Variants in CHD2 observed in about 807,000 individuals in gnomAD.
CHD2 encodes the protein ATP-dependent chromatin remodeler CHD2.
Under a neutral mutation model 243.9 loss-of-function variants are expected in CHD2, and 28 were observed. That is an observed-to-expected ratio of 0.11 (90% CI 0.09 to 0.16). The LOEUF is 0.16. Ranked by LOEUF, CHD2 falls within the 10% of genes least tolerant of loss-of-function variation. The pLI is 1.00. For synonymous variants in CHD2, 775 were observed against 779.0 expected (o/e 0.99, Z 0.09); for missense variants, 1,386 against 2,209.8 (o/e 0.63, Z 7.47).
intron 34 of CHD2, 21 bp from the exon 35 acceptor site, chr15:93,009,124 T>C (rs926417268): frequency 5.6e-6 from 9 of 1,612,216 alleles, no homozygotes; most frequent in Non-Finnish European, 7.6e-6. Context: ...TTTATGTCTT[T>C]ACTCTGTTGT....
rs1357745155 is a variant in CHD2 at position 92,952,350 on chromosome 15, G to C, written c.1503-1007G>C. On this transcript the variant is annotated intron_variant, in intron 13 of 38. Coordinates refer to ENST00000394196, the MANE Select transcript of CHD2 (RefSeq NM_001271.4). Reference sequence around the variant, plus strand: ...GGAGGAGGGAGGGGGATGGTTTCTGGATGATTCAAGCACATTACATTTATT... The same window carrying C: ...GGAGGAGGGAGGGGGATGGTTTCTGCATGATTCAAGCACATTACATTTATT... Among the ~76,000 whole-genome samples the C allele has an allele frequency of 2.6e-5, 4 of 152,122 alleles. No homozygotes were observed. In the East Asian group the frequency reaches 5.8e-4, roughly 22 times the overall value.
chr15:92,949,118 G>A, intron 13 of CHD2, 42 bp downstream of exon 13: 15 of 1,591,668 alleles, frequency 9.4e-6, no homozygotes, highest in Non-Finnish European at 1.1e-5. Flanking sequence ...TACTGTTTCT[G>A]GCTTCTTTAT....
chr15:92,998,011 T>C lies in CHD2; in HGVS notation c.3886-488T>C. ...TTTAGGAGGGTGACAGCACCCTGCC[T>C]TAAGCACTGAGACCAGATTCAGTCT... On this transcript the variant is annotated intron_variant, in intron 30 of 38. Transcript: ENST00000394196. This position sits in a 1 kb window ranked among gnomAD's most constrained non-coding sequence, Gnocchi z 5.1. 1 of 198,792 alleles carries C rather than the reference T, an allele frequency of 5.0e-6. No homozygotes were observed. The highest frequency in any genetic ancestry group is 1.7e-4 in the South Asian group (1 of 5,972). 12.3% of individuals were successfully genotyped at this position (198,792 alleles called of 1,614,324 possible).
At chr15:92,938,068 T>C (rs1049260572) in intron 6 of CHD2, among the ~76,000 whole-genome samples, 3 of 152,198 alleles carry the variant, frequency 2.0e-5, no homozygotes, top group African/African-American at 4.8e-5. Context: ...CAGCCTAAGA[T>C]AGTGATGACA....
intron 13 of CHD2, among the ~76,000 whole-genome samples, chr15:92,951,877 G>A (rs1281234355): frequency 6.6e-6 from 1 of 152,180 alleles, no homozygotes; most frequent in East Asian, 1.9e-4. Context: ...TAGCTAGTTT[G>A]TAGAACACAG....
chr15:92,928,592 G>A (rs2053108451), intron 4 of CHD2, among the ~76,000 whole-genome samples: 1 of 152,218 alleles, frequency 6.6e-6, no homozygotes, highest in African/African-American at 2.4e-5. Context: ...TCAATCTGCA[G>A]TATCCAGTAT....
chr15:92,989,969 C>G (rs907673350), intron 26 of CHD2, among the ~76,000 whole-genome samples: 1 of 152,228 alleles, frequency 6.6e-6, no homozygotes, highest in African/African-American at 2.4e-5. Flanking sequence ...CATCTTTCCT[C>G]CCAGTTTTTC....
At chr15:92,950,238 A>G (rs2053535258) in intron 13 of CHD2, among the ~76,000 whole-genome samples, 1 of 152,246 alleles carries the variant, frequency 6.6e-6, no homozygotes, top group African/African-American at 2.4e-5. Context: ...AGTTATTAGC[A>G]AAAAGCAAGG....
At chr15:93,013,101 C>T (rs1249188814) in intron 36 of CHD2, among the ~76,000 whole-genome samples, 1 of 152,202 alleles carries the variant, frequency 6.6e-6, no homozygotes, top group Non-Finnish European at 1.5e-5. Flanking sequence ...GTGTTCTCAG[C>T]ACATAGAATG....
At chr15:92,956,812 T>G (rs536166668) in intron 16 of CHD2, among the ~76,000 whole-genome samples, 163 bp downstream of exon 16, 38 of 152,310 alleles carry the variant, frequency 2.5e-4, no homozygotes, top group Non-Finnish European at 4.4e-4. Context: ...TCATAATCAA[T>G]GAAAGAAGGC....
At chr15:93,011,660 C>T (rs1008410405) in intron 35 of CHD2, among the ~76,000 whole-genome samples, 1 of 152,162 alleles carries the variant, frequency 6.6e-6, no homozygotes, top group Non-Finnish European at 1.5e-5. Flanking sequence ...TTATCTGGCT[C>T]ACTCTGACTA....
intron 16 of CHD2, chr15:92,965,277 C>G (rs920524642): frequency 2.6e-5 from 4 of 152,168 alleles, no homozygotes; most frequent in African/African-American, 9.6e-5. Flanking sequence ...TGATAGTATG[C>G]CGGGCGTGGT....
At chr15:92,948,000 C>T (rs2053496952) in intron 12 of CHD2, among the ~76,000 whole-genome samples, 1 of 152,200 alleles carries the variant, frequency 6.6e-6, no homozygotes, top group Non-Finnish European at 1.5e-5. Context: ...TATGGACACA[C>T]ATTTCAGACT....
At chr15:92,908,851 G>A (rs1357596566) in intron 2 of CHD2, among the ~76,000 whole-genome samples, 2 of 152,170 alleles carry the variant, frequency 1.3e-5, no homozygotes, top group Admixed American at 6.5e-5. Context: ...GGGCGTGGTA[G>A]CTCACTCCTG....
intron 16 of CHD2, 67 bp downstream of exon 16, chr15:92,956,716 C>T (rs2053620814): frequency 1.4e-6 from 2 of 1,420,858 alleles, no homozygotes; most frequent in Non-Finnish European, 9.5e-7. Flanking sequence ...TTTTAACTTT[C>T]TTAGTAGACC....
intron 3 of CHD2, 45 bp from the exon 4 acceptor site, chr15:92,927,195 TAATG>T (rs752559028): frequency 7.7e-7 from 1 of 1,304,974 alleles, no homozygotes; most frequent in South Asian, 1.2e-5. Flanking sequence ...TTGATAATAA[TAATG>T]GGGGTCAAGA....
intron 4 of CHD2, among the ~76,000 whole-genome samples, chr15:92,927,540 A>AT (rs2053086245): frequency 1.3e-5 from 2 of 152,166 alleles, no homozygotes; most frequent in South Asian, 4.1e-4. Context: ...ATAATAGTGA[A>AT]TTTTTTAGTA....
chr15:92,904,227 A>T (rs919442195), intron 2 of CHD2, among the ~76,000 whole-genome samples: 2 of 152,230 alleles, frequency 1.3e-5, no homozygotes, highest in African/African-American at 4.8e-5. Flanking sequence ...CAGCGCTGAC[A>T]GACATACTGC....
At chr15:93,012,234 T>C in intron 35 of CHD2, 111 bp from the exon 36 acceptor site, 2 of 545,124 alleles carry the variant, frequency 3.7e-6, no homozygotes, top group Non-Finnish European at 6.4e-6. Context: ...TTAATTTCTA[T>C]GCTTAGGGAG....
Sources: gnomAD v4.1 joint callset for allele counts (sites outside exome capture counted in the v4.1 genomes callset) on GRCh38, gnomAD v4.1.1 for gene constraint, Gnocchi (gnomAD v3.1) non-coding constraint, MANE v1.5 for transcripts, NCBI Gene and HGNC (gene_info 2026-07-23, HGNC 2026-07-21) for gene names.